The following GRK5 variants were observed in gnomAD, a reference collection of about 807,000 sequenced individuals.
GRK5 encodes the protein G protein-coupled receptor kinase 5, also known as g protein-coupled receptor kinase GRK5.
Under a neutral mutation model 78.4 loss-of-function variants are expected in GRK5, and 40 were observed. The ratio of observed to expected loss-of-function variants is 0.51; its 90% CI spans 0.40 to 0.66. GRK5 has a LOEUF of 0.66. GRK5 is among the 30% of genes least tolerant of loss of function. The probability of loss-of-function intolerance (pLI) is 0.00; values close to 1 mark genes in which losing one functional copy is unlikely to be tolerated. For synonymous variants in GRK5, 289 were observed against 296.8 expected (o/e 0.97, Z 0.27); for missense variants, 598 against 759.9 (o/e 0.79, Z 2.50).
intron 3 of GRK5, among the ~76,000 whole-genome samples, chr10:119,388,317 C>G (rs1304298868): frequency 6.6e-6 from 1 of 151,744 alleles, no homozygotes; most frequent in African/African-American, 2.4e-5. Flanking sequence ...AATATTTGTT[C>G]AGTATTAGCT....
Position 119,457,637 on chromosome 10 carries a change from C to G in GRK5, c.*2570C>G, listed in dbSNP as rs1853419370. On this transcript the variant is annotated 3_prime_UTR_variant, in exon 16 of 16. Transcript: ENST00000392870. Reference sequence around the variant, plus strand: ...CTCCCTACTGAGTCCCCAGTCCTGTCCCTTCCCTGACTCGCTCCTCCTCCA... The same window carrying G: ...CTCCCTACTGAGTCCCCAGTCCTGTGCCTTCCCTGACTCGCTCCTCCTCCA... 1 of 151,566 alleles carries G rather than the reference C, an allele frequency of 6.6e-6. No homozygotes were observed. The highest frequency in any genetic ancestry group is 1.5e-5 in the Non-Finnish European group (1 of 68,048). The allele number at this position is 151,566 out of a possible 1,614,324, so 9.4% of individuals were successfully genotyped here.
At chr10:119,396,648 G>C (rs753838674) in intron 3 of GRK5, 47 bp from the exon 4 acceptor site, 4 of 1,461,604 alleles carry the variant, frequency 2.7e-6, no homozygotes, top group Admixed American at 3.3e-5. Flanking sequence ...ACTATAAGAA[G>C]CTCATGAGCA....
intron 1 of GRK5, among the ~76,000 whole-genome samples, chr10:119,239,261 G>C (rs1407544173): frequency 1.3e-5 from 2 of 148,424 alleles, no homozygotes; most frequent in African/African-American, 5.0e-5. Context: ...TTGAGACACA[G>C]TCTCACTCTG....
intron 1 of GRK5, among the ~76,000 whole-genome samples, chr10:119,252,593 C>T (rs1365318128): frequency 6.6e-6 from 1 of 152,204 alleles, no homozygotes; most frequent in Non-Finnish European, 1.5e-5. Context: ...TGTCTTCCTT[C>T]TGGTCCTCAT....
At chr10:119,403,566 G>T (rs944834720) in intron 4 of GRK5, among the ~76,000 whole-genome samples, 3 of 152,154 alleles carry the variant, frequency 2.0e-5, no homozygotes, top group African/African-American at 7.2e-5. Flanking sequence ...CCATTGTAAA[G>T]ATACAACACA....
chr10:119,409,889 C>T (rs996421677), intron 4 of GRK5, among the ~76,000 whole-genome samples: 1 of 152,240 alleles, frequency 6.6e-6, no homozygotes, highest in Non-Finnish European at 1.5e-5. Context: ...GTTTCCCCAC[C>T]GTGAACATCC....
chr10:119,280,868 C>T (rs1408798443), intron 1 of GRK5, among the ~76,000 whole-genome samples: 1 of 151,128 alleles, frequency 6.6e-6, no homozygotes, highest in East Asian at 2.0e-4. Flanking sequence ...CAACCTCTGC[C>T]TCCCGGGTTC....
chr10:119,283,526 G>T (rs1223351546), intron 1 of GRK5, among the ~76,000 whole-genome samples: 2 of 152,232 alleles, frequency 1.3e-5, no homozygotes, highest in East Asian at 3.8e-4. Flanking sequence ...CAGGCTTCAG[G>T]AACGCCTGCC....
intron 1 of GRK5, among the ~76,000 whole-genome samples, chr10:119,314,084 C>T (rs1244511939): frequency 6.6e-6 from 1 of 152,222 alleles, no homozygotes; most frequent in East Asian, 1.9e-4. Flanking sequence ...TGTCTTTGCT[C>T]CCCAGTTCCG....
intron 1 of GRK5, among the ~76,000 whole-genome samples, chr10:119,210,886 G>C (rs1848476069): frequency 6.6e-6 from 1 of 152,124 alleles, no homozygotes; most frequent in South Asian, 2.1e-4. Context: ...TTTTCTTTTT[G>C]TTTTGCATTA....
intron 1 of GRK5, among the ~76,000 whole-genome samples, chr10:119,218,815 T>A (rs909172733): frequency 1.3e-4 from 20 of 152,200 alleles, no homozygotes; most frequent in African/African-American, 4.6e-4. Context: ...ATAGTAGGTG[T>A]TCAAAAATAT....
intron 1 of GRK5, among the ~76,000 whole-genome samples, chr10:119,321,420 GTTCCCTCTGGGGGCTCCGGGGAGAATCC>G (rs1433792262): frequency 6.6e-6 from 1 of 152,180 alleles, no homozygotes; most frequent in Non-Finnish European, 1.5e-5. Flanking sequence ...GCAGGGCTGT[GTTCCCTCTGGGGGCTCCGGGGAGAATCC>G]TTCCTGGCCT....
At chr10:119,417,801 G>T (rs530421040) in intron 4 of GRK5, among the ~76,000 whole-genome samples, 4 of 152,202 alleles carry the variant, frequency 2.6e-5, no homozygotes, top group Admixed American at 6.5e-5. Context: ...CACCCTAGGC[G>T]TACTTCATCC....
rs117918638 is a variant in GRK5 at position 119,459,129 on chromosome 10, C to T, written c.*4062C>T. The T allele has an allele frequency of 0.018, 2,679 of 152,312 alleles. 24 individuals are homozygous for T. Among genetic ancestry groups the T allele is most frequent in the Non-Finnish European group, 0.022 (1,529 of 68,022 alleles). 9.4% of individuals were successfully genotyped at this position (152,312 alleles called of 1,614,324 possible). A position where few individuals can be genotyped will look rare whatever the true frequency, so the allele number is the denominator to read the frequency against. On this transcript the variant is annotated 3_prime_UTR_variant, in exon 16 of 16. Coordinates refer to ENST00000392870, the MANE Select transcript of GRK5 (RefSeq NM_005308.3). ...AGATAGTGAGTATGAAGTCTTTGTGCATTTGGAAGTGACATCGCTGTGTGG... is the reference window on the plus strand; with the variant it reads ...AGATAGTGAGTATGAAGTCTTTGTGTATTTGGAAGTGACATCGCTGTGTGG...
Position 119,412,196 on chromosome 10 carries a change from C to T in GRK5, c.340-10970C>T, listed in dbSNP as rs1014643081. Among the ~76,000 whole-genome samples the T allele has an allele frequency of 7.2e-5, 11 of 152,072 alleles. No individual in the cohort carries two copies. Among genetic ancestry groups the T allele is most frequent in the East Asian group, 1.9e-4 (1 of 5,178 alleles). ...AGGCTGTGCCCACCTTCATGGGAAA[C>T]GGTGAGCATCACCTTCCTTTGAACT... On this transcript the variant is annotated intron_variant, in intron 4 of 15. Coordinates refer to ENST00000392870, the MANE Select transcript of GRK5 (RefSeq NM_005308.3). The surrounding 1 kb of genome is among the most constrained non-coding windows in gnomAD (Gnocchi z 4.3).
intron 2 of GRK5, among the ~76,000 whole-genome samples, chr10:119,374,385 C>T (rs17098790): frequency 0.039 from 5,866 of 152,240 alleles, 245 homozygotes; most frequent in African/African-American, 0.1. Flanking sequence ...TAGTGGCTTA[C>T]AATGAGAATA....
chr10:119,439,244 G>A (rs7902883), intron 9 of GRK5, among the ~76,000 whole-genome samples: 25 of 152,364 alleles, frequency 1.6e-4, no homozygotes, highest in Admixed American at 9.1e-4. Context: ...AGGCTGTAGC[G>A]TAGCTGGTGT....
At chr10:119,388,826 C>T (rs1851840088) in intron 3 of GRK5, among the ~76,000 whole-genome samples, 1 of 152,246 alleles carries the variant, frequency 6.6e-6, no homozygotes, top group South Asian at 2.1e-4. Context: ...GCTGGAGGAT[C>T]TGCATCCACA....
chr10:119,367,206 C>T (rs1170567081), intron 2 of GRK5, among the ~76,000 whole-genome samples: 2 of 152,192 alleles, frequency 1.3e-5, no homozygotes, highest in African/African-American at 2.4e-5. Flanking sequence ...AGATCCGTGT[C>T]GAAAATCCCG....
Sources: gnomAD v4.1 joint callset for allele counts (sites outside exome capture counted in the v4.1 genomes callset) on GRCh38, gnomAD v4.1.1 for gene constraint, Gnocchi (gnomAD v3.1) non-coding constraint, MANE v1.5 for transcripts, NCBI Gene and HGNC (gene_info 2026-07-23, HGNC 2026-07-21) for gene names.